PRDM6: variants seen among roughly 807,000 people sequenced by gnomAD.
PRDM6 encodes the protein PR/SET domain 6.
A neutral mutation model predicts 60.8 loss-of-function variants in PRDM6; 25 were observed. The observed-to-expected ratio is 0.41, with a 90% CI of 0.30 to 0.57. The LOEUF is 0.57. Among genes scored for constraint, PRDM6 ranks in the 20% least tolerant of loss-of-function variants. The probability of loss-of-function intolerance (pLI) is 0.27; values close to 1 mark genes in which losing one functional copy is unlikely to be tolerated. For synonymous variants in PRDM6, 407 were observed against 357.4 expected (o/e 1.14, Z -1.57); for missense variants, 839 against 821.3 (o/e 1.02, Z -0.26).
chr5:123,161,038 A>G (rs1161215136), intron 5 of PRDM6, among the ~76,000 whole-genome samples: 1 of 152,180 alleles, frequency 6.6e-6, no homozygotes, highest in African/African-American at 2.4e-5. Flanking sequence ...CTCCCCATCT[A>G]CTAACATGTA....
intron 3 of PRDM6, among the ~76,000 whole-genome samples, chr5:123,130,967 C>CA (rs1764822162): frequency 6.6e-6 from 1 of 152,202 alleles, no homozygotes; most frequent in Non-Finnish European, 1.5e-5. Context: ...AGCCAATAAA[C>CA]AGTTACTAGT....
At chr5:123,152,391 T>C (rs1765388313) in intron 3 of PRDM6, among the ~76,000 whole-genome samples, 2 of 152,140 alleles carry the variant, frequency 1.3e-5, no homozygotes, top group Admixed American at 6.6e-5. Flanking sequence ...CGAGGACCCA[T>C]CTTTTGATTT....
chr5:123,127,946 GTGTGA>G (rs1764730562), intron 3 of PRDM6, among the ~76,000 whole-genome samples: 2 of 151,618 alleles, frequency 1.3e-5, no homozygotes. Context: ...AGACCCTGGT[GTGTGA>G]TGTTCCCCAC....
intron 3 of PRDM6, among the ~76,000 whole-genome samples, chr5:123,147,308 A>AGAGAGAGAGAGAGAGAGAGAGAGAG (rs1561853193): frequency 6.7e-6 from 1 of 148,724 alleles, no homozygotes; most frequent in African/African-American, 2.6e-5. Context: ...AGAGAGAGAG[A>AGAGAGAGAGAGAGAGAGAGAGAGAG]AAACGAACAA....
At chr5:123,109,350 CA>C (rs1018828562) in intron 3 of PRDM6, among the ~76,000 whole-genome samples, 3 of 152,092 alleles carry the variant, frequency 2.0e-5, no homozygotes, top group African/African-American at 7.2e-5. Flanking sequence ...ATGTAAATTA[CA>C]GAGAAAATAT....
At chr5:123,176,283 AC>A (rs1469074937) in intron 6 of PRDM6, among the ~76,000 whole-genome samples, 1 of 150,528 alleles carries the variant, frequency 6.6e-6, no homozygotes, top group African/African-American at 2.5e-5. Flanking sequence ...AAAAAAAAAA[AC>A]AAAAAAAAAA....
At position 123,090,208 on chromosome 5, in the gene PRDM6, C is replaced by A. The variant is rs1294435202; in HGVS notation, c.194C>A (p.Pro65Gln). Reference sequence around the variant, plus strand: ...CCGCCCCCGGAGCGCGCTGAGCCTCCGCCGGACAGCCTGCGCCCGCGGCCC... The same window carrying A: ...CCGCCCCCGGAGCGCGCTGAGCCTCAGCCGGACAGCCTGCGCCCGCGGCCC... ...PPPPPERAEP[P>Q]PDSLRPRPAS... The change falls in exon 2 of 8, where the codon CCG becomes CAG. Residue 65 changes from proline to glutamine, a missense_variant. Physicochemically the swap from Pro to Gln is moderately conservative, Grantham distance 76. Transcript: ENST00000407847. 3 of 1,481,412 alleles carry A rather than the reference C, an allele frequency of 2.0e-6. No homozygotes were observed. Among genetic ancestry groups the A allele is most frequent in the South Asian group, 1.3e-5 (1 of 77,192 alleles). The allele number at this position is 1,481,412 out of a possible 1,614,324, so 91.8% of individuals were successfully genotyped here.
intron 6 of PRDM6, among the ~76,000 whole-genome samples, chr5:123,179,323 A>G (rs1238795708): frequency 1.3e-5 from 2 of 152,194 alleles, no homozygotes; most frequent in African/African-American, 2.4e-5. Flanking sequence ...ATGACATCCT[A>G]TCATTTCTGT....
intron 3 of PRDM6, among the ~76,000 whole-genome samples, chr5:123,135,502 A>T (rs995945614): frequency 6.6e-6 from 1 of 152,192 alleles, no homozygotes; most frequent in Non-Finnish European, 1.5e-5. Context: ...TTTGTATTAA[A>T]GACCTGTGGA....
chr5:123,100,057 A>G (rs1202922887), intron 3 of PRDM6, 96 bp downstream of exon 3: 2 of 1,291,730 alleles, frequency 1.5e-6, no homozygotes, highest in Admixed American at 3.0e-5. Flanking sequence ...GGCTGTGGCA[A>G]CTGCGAAGAG....
At chr5:123,178,552 G>T (rs1375978605) in intron 6 of PRDM6, among the ~76,000 whole-genome samples, 1 of 152,158 alleles carries the variant, frequency 6.6e-6, no homozygotes, top group African/African-American at 2.4e-5. Flanking sequence ...TGGCAAGATT[G>T]ATAAACTCCT....
intron 3 of PRDM6, among the ~76,000 whole-genome samples, chr5:123,152,527 T>A (rs1765391984): frequency 6.6e-6 from 1 of 152,212 alleles, no homozygotes; most frequent in South Asian, 2.1e-4. Context: ...GAGAAACACT[T>A]TGCTCAGAGC....
chr5:123,100,266 C>T (rs1342194935), intron 3 of PRDM6, among the ~76,000 whole-genome samples: 1 of 152,174 alleles, frequency 6.6e-6, no homozygotes, highest in African/African-American at 2.4e-5. Flanking sequence ...ATGGATTTGA[C>T]CGTTGGTCTC....
At chr5:123,187,052 T>C in intron 7 of PRDM6, 35 bp from the exon 8 acceptor site, 2 of 1,491,406 alleles carry the variant, frequency 1.3e-6, no homozygotes, top group Non-Finnish European at 1.8e-6. Context: ...CAGGCCCCGC[T>C]CCCTGGTCTC....
intron 5 of PRDM6, among the ~76,000 whole-genome samples, chr5:123,160,900 G>C (rs1470939502): frequency 6.6e-6 from 1 of 152,222 alleles, no homozygotes. Flanking sequence ...TTGGCCATGA[G>C]TATGCAGTGA....
chr5:123,164,458 A>G (rs1765710091), intron 5 of PRDM6, among the ~76,000 whole-genome samples: 1 of 152,192 alleles, frequency 6.6e-6, no homozygotes, highest in African/African-American at 2.4e-5. Context: ...ACCTAGCCCT[A>G]GTCGTAGGAT....
At chr5:123,139,508 T>G (rs1218365931) in intron 3 of PRDM6, among the ~76,000 whole-genome samples, 2 of 152,094 alleles carry the variant, frequency 1.3e-5, no homozygotes, top group East Asian at 3.9e-4. Context: ...TCTGTTTTTT[T>G]GGGAGTTGTG....
intron 5 of PRDM6, among the ~76,000 whole-genome samples, chr5:123,167,612 C>T (rs1436639179): frequency 6.6e-6 from 1 of 152,168 alleles, no homozygotes; most frequent in Non-Finnish European, 1.5e-5. Flanking sequence ...TGGTCTTGAA[C>T]TCCCGACCTC....
At chr5:123,118,602 GA>G (rs1234169559) in intron 3 of PRDM6, among the ~76,000 whole-genome samples, 1 of 152,206 alleles carries the variant, frequency 6.6e-6, no homozygotes, top group Non-Finnish European at 1.5e-5. Flanking sequence ...GAACCCTTGT[GA>G]ATTTCAATGA....
Sources: allele counts gnomAD v4.1 joint callset (sites outside exome capture counted in the v4.1 genomes callset), GRCh38; gene constraint gnomAD v4.1.1; transcripts MANE v1.5; gene names NCBI Gene and HGNC (gene_info 2026-07-23, HGNC 2026-07-21).